Variants in WARS1 observed in about 807,000 individuals in gnomAD.
The protein encoded by WARS1 is tryptophan--tRNA ligase, cytoplasmic.
WARS1 carries 17 observed loss-of-function variants against 47.8 expected under a neutral mutation model. The ratio of observed to expected loss-of-function variants is 0.36; its 90% CI spans 0.24 to 0.53. WARS1 has a LOEUF of 0.53. WARS1 is among the 20% of genes least tolerant of loss of function. The probability of loss-of-function intolerance (pLI) is 0.91; values close to 1 mark genes in which losing one functional copy is unlikely to be tolerated. For missense variants in WARS1, 434 were observed against 608.0 expected (o/e 0.71, Z 3.01); for synonymous variants, 208 against 228.1 (o/e 0.91, Z 0.79).
At chr14:100,347,790 T>G (rs1421034114) in intron 6 of WARS1, among the ~76,000 whole-genome samples, 1 of 152,218 alleles carries the variant, frequency 6.6e-6, no homozygotes, top group Non-Finnish European at 1.5e-5. Context: ...TTGTCCAGGC[T>G]GGTCTCAAAC....
intron 4 of WARS1, among the ~76,000 whole-genome samples, chr14:100,358,591 T>G (rs1292062185): frequency 6.6e-6 from 1 of 152,166 alleles, no homozygotes; most frequent in Non-Finnish European, 1.5e-5. Flanking sequence ...GAAGAAACCA[T>G]AGGTGTAAAT....
At chr14:100,365,024 T>C (rs1014211624) in intron 2 of WARS1, among the ~76,000 whole-genome samples, 1 of 151,926 alleles carries the variant, frequency 6.6e-6, no homozygotes, top group African/African-American at 2.4e-5. Context: ...TCCAGCAACT[T>C]GGCAGGCTAA....
intron 6 of WARS1, among the ~76,000 whole-genome samples, chr14:100,349,070 A>G (rs1322346039): frequency 6.6e-6 from 1 of 152,236 alleles, no homozygotes; most frequent in African/African-American, 2.4e-5. Context: ...TGTATATCAC[A>G]TGTGGCTGAA....
intron 6 of WARS1, among the ~76,000 whole-genome samples, chr14:100,353,326 C>T (rs979585075): frequency 2.0e-5 from 3 of 152,160 alleles, no homozygotes; most frequent in Non-Finnish European, 4.4e-5. Context: ...TCTCAACTCA[C>T]TGTAACCTCC....
At chr14:100,342,317 C>A in intron 9 of WARS1, 81 bp downstream of exon 9, 2 of 1,580,030 alleles carry the variant, frequency 1.3e-6, no homozygotes, top group Non-Finnish European at 1.7e-6. Context: ...CAAAGCACTG[C>A]GCAGTGGTGT....
intron 2 of WARS1, chr14:100,366,159 G>C: frequency 2.2e-6 from 1 of 453,398 alleles, no homozygotes; most frequent in South Asian, 1.6e-5. Context: ...GCAGCACACA[G>C]AGAATAGGGA....
chr14:100,375,926 TGAGGGGACTAAGTGCAACACTA>T (rs1566875447), upstream of WARS1: 1 of 152,268 alleles, frequency 6.6e-6, no homozygotes, highest in Non-Finnish European at 1.5e-5. Context: ...ACATTACCGT[TGAGGGGACTAAGTGCAACACTA>T]CGCAAAGCCT....
intron 1 of WARS1, among the ~76,000 whole-genome samples, chr14:100,371,447 C>CAAAA (rs60977618): frequency 1.5e-4 from 13 of 89,102 alleles, no homozygotes; most frequent in Middle Eastern, 7.9e-3. Context: ...GGTTCTGTCT[C>CAAAA]AAAAAAAAAA....
chr14:100,345,231 G>GT (rs1477845577), intron 7 of WARS1, among the ~76,000 whole-genome samples: 1 of 134,036 alleles, frequency 7.5e-6, no homozygotes, highest in Non-Finnish European at 1.6e-5. Context: ...GAATAGAAAG[G>GT]CGGGAAAGGT....
intron 2 of WARS1, chr14:100,366,638 C>A (rs1008946814): frequency 5.5e-5 from 42 of 761,610 alleles, no homozygotes; most frequent in Non-Finnish European, 9.3e-5. Flanking sequence ...GGCCCATGGA[C>A]ATGGACATGA....
intron 4 of WARS1, among the ~76,000 whole-genome samples, chr14:100,356,478 T>C (rs927482405): frequency 2.0e-5 from 3 of 151,760 alleles, no homozygotes; most frequent in Non-Finnish European, 4.4e-5. Flanking sequence ...ACTGACCTTA[T>C]AGGAATAAAA....
At position 100,347,957 on chromosome 14, in the gene WARS1, G is replaced by A. The variant is rs540501241; in HGVS notation, c.726-1111C>T. Among the ~76,000 whole-genome samples the A allele has an allele frequency of 7.9e-5, 12 of 152,302 alleles. No individual in the cohort carries two copies. The East Asian group carries it at 1.5e-3, about 20-fold the overall frequency. Reference sequence around the variant, plus strand: ...GGCCCTACCATGTGTTAGACACTACGAGGGAAAAGGGGGAAGGCTGGTGTC... The same window carrying A: ...GGCCCTACCATGTGTTAGACACTACAAGGGAAAAGGGGGAAGGCTGGTGTC... On this transcript the variant is annotated intron_variant, in intron 6 of 10. Transcript: ENST00000392882.
intron 1 of WARS1, among the ~76,000 whole-genome samples, chr14:100,370,760 T>C (rs1595465814): frequency 6.8e-6 from 1 of 147,456 alleles, no homozygotes; most frequent in East Asian, 2.0e-4. Context: ...TTGGGCAGTA[T>C]AGTGAGACTC....
intron 9 of WARS1, among the ~76,000 whole-genome samples, chr14:100,337,735 G>C (rs957330227): frequency 3.3e-5 from 5 of 150,772 alleles, no homozygotes; most frequent in Admixed American, 6.6e-5. Flanking sequence ...ACGTGCGCCT[G>C]TAGTCCTAGC....
chr14:100,369,314 G>A (rs971033611), intron 1 of WARS1, 56 bp from the exon 2 acceptor site: 12 of 570,032 alleles, frequency 2.1e-5, no homozygotes, highest in Non-Finnish European at 2.9e-5. Context: ...ACACAACATC[G>A]CGGCTGTTTT....
chr14:100,362,082 C>T (rs1401782846), intron 2 of WARS1, among the ~76,000 whole-genome samples, 161 bp from the exon 3 acceptor site: 1 of 152,186 alleles, frequency 6.6e-6, no homozygotes, highest in Non-Finnish European at 1.5e-5. Flanking sequence ...TGTCCTTTTC[C>T]AGCTCAAGAA....
intron 4 of WARS1, among the ~76,000 whole-genome samples, chr14:100,356,078 G>A (rs897274170): frequency 6.6e-6 from 1 of 152,126 alleles, no homozygotes; most frequent in Non-Finnish European, 1.5e-5. Flanking sequence ...GATTCCAGCA[G>A]AGACTCATTC....
chr14:100,343,721 C>A (rs1047144972), intron 7 of WARS1, among the ~76,000 whole-genome samples: 6 of 152,068 alleles, frequency 3.9e-5, no homozygotes, highest in Non-Finnish European at 5.9e-5. Context: ...ACCGCTACCT[C>A]TGCCTCCTGG....
At position 100,373,268 on chromosome 14, in the gene WARS1, G is replaced by A. The variant is rs1012213216; in HGVS notation, c.-74+2015C>T. On this transcript the variant is annotated intron_variant, in intron 1 of 10. Coordinates refer to ENST00000392882, the MANE Select transcript of WARS1 (RefSeq NM_004184.4). The surrounding 1 kb of genome is among the most constrained non-coding windows in gnomAD (Gnocchi z 4.4). ...TTCCAGTTGAAGACTGATTCCCCCAGCTGGACTTTAGATGGCCTCTTGTTT... is the reference window on the plus strand; with the variant it reads ...TTCCAGTTGAAGACTGATTCCCCCAACTGGACTTTAGATGGCCTCTTGTTT... 1.3e-5 allele frequency among the ~76,000 whole-genome samples: 2 copies of A among 152,146 alleles called. No homozygotes were observed. Among genetic ancestry groups the A allele is most frequent in the Non-Finnish European group, 2.9e-5 (2 of 68,020 alleles).
Sources: gnomAD v4.1 joint callset for allele counts (sites outside exome capture counted in the v4.1 genomes callset) on GRCh38, gnomAD v4.1.1 for gene constraint, Gnocchi (gnomAD v3.1) non-coding constraint, MANE v1.5 for transcripts, NCBI Gene and HGNC (gene_info 2026-07-23, HGNC 2026-07-21) for gene names.